The following FARP1 variants were observed in gnomAD, a reference collection of about 807,000 sequenced individuals.
FARP1 encodes the protein FERM, ARHGEF and pleckstrin domain-containing protein 1.
FARP1 carries 52 observed loss-of-function variants against 128.8 expected under a neutral mutation model. The observed-to-expected ratio is 0.40, with a 90% CI of 0.32 to 0.51. The LOEUF is 0.51. Among genes scored for constraint, FARP1 ranks in the 20% least tolerant of loss-of-function variants. FARP1 has a pLI of 0.45. For missense variants in FARP1, 1,333 were observed against 1,367.9 expected (o/e 0.97, Z 0.40); for synonymous variants, 580 against 551.8 (o/e 1.05, Z -0.72).
chr13:98,213,429 A>G lies in FARP1; in HGVS notation c.171+16A>G. On this transcript the variant is annotated intron_variant, in intron 2 of 26. Transcript: ENST00000319562. ...TGAAGTTCCAGTAAGTTGGGGGCTT[A>G]TCTGTAACCCAGGAGTGTGGTAGGG... 4 of 1,611,436 alleles carry G rather than the reference A, an allele frequency of 2.5e-6. No homozygotes were observed. The highest frequency in any genetic ancestry group is 3.4e-6 in the Non-Finnish European group (4 of 1,179,012).
At chr13:98,444,308 C>T (rs1566326707) in intron 24 of FARP1, among the ~76,000 whole-genome samples, 1 of 152,066 alleles carries the variant, frequency 6.6e-6, no homozygotes, top group South Asian at 2.1e-4. Context: ...ATTGTAGGCA[C>T]GGAGGGTTTG....
At chr13:98,394,600 A>G (rs1334491475) in intron 12 of FARP1, among the ~76,000 whole-genome samples, 2 of 152,124 alleles carry the variant, frequency 1.3e-5, no homozygotes, top group African/African-American at 4.8e-5. Flanking sequence ...CCAGGAGTTC[A>G]AAGCCAGCCT....
intron 17 of FARP1, among the ~76,000 whole-genome samples, chr13:98,430,294 A>G (rs1274905069): frequency 6.6e-6 from 1 of 152,198 alleles, no homozygotes; most frequent in African/African-American, 2.4e-5. Context: ...GCACATAGAG[A>G]GCAAGCCCAC....
intron 2 of FARP1, among the ~76,000 whole-genome samples, chr13:98,242,568 G>T (rs1446251790): frequency 6.6e-6 from 1 of 152,068 alleles, no homozygotes; most frequent in Non-Finnish European, 1.5e-5. Flanking sequence ...AGTCCCAGCT[G>T]CTTAGGAGGC....
At chr13:98,405,313 T>G (rs1223937408) in intron 13 of FARP1, 1 of 152,220 alleles carries the variant, frequency 6.6e-6, no homozygotes, top group East Asian at 1.9e-4. Context: ...CAGTTTCTGG[T>G]CTGGGTGATA....
intron 5 of FARP1, among the ~76,000 whole-genome samples, chr13:98,373,059 A>C (rs1889417057): frequency 1.3e-5 from 2 of 152,188 alleles, no homozygotes; most frequent in South Asian, 4.1e-4. Flanking sequence ...TCATGTTACA[A>C]GGGCCTTGGA....
chr13:98,204,572 C>G (rs995489427), intron 1 of FARP1, among the ~76,000 whole-genome samples: 1 of 109,380 alleles, frequency 9.1e-6, no homozygotes, highest in African/African-American at 2.6e-5. Context: ...TTCATTCTTT[C>G]ACCATTTACC....
chr13:98,162,244 A>G (rs1353221540), intron 1 of FARP1, among the ~76,000 whole-genome samples: 1 of 152,134 alleles, frequency 6.6e-6, no homozygotes, highest in African/African-American at 2.4e-5. Flanking sequence ...ACCTAAAGTG[A>G]GATGAATCAG....
intron 2 of FARP1, among the ~76,000 whole-genome samples, chr13:98,340,349 C>T (rs1378471881): frequency 6.6e-6 from 1 of 152,094 alleles, no homozygotes; most frequent in African/African-American, 2.4e-5. Flanking sequence ...TCCACAAGTT[C>T]TTATCCTTTG....
At chr13:98,437,253 T>C (rs1594536988) in intron 19 of FARP1, among the ~76,000 whole-genome samples, 2 of 152,332 alleles carry the variant, frequency 1.3e-5, no homozygotes, top group East Asian at 3.9e-4. Context: ...GGCAAGTTTC[T>C]TAATCATTTG....
intron 2 of FARP1, among the ~76,000 whole-genome samples, chr13:98,282,369 A>G (rs1311841196): frequency 6.6e-6 from 1 of 152,196 alleles, no homozygotes; most frequent in Admixed American, 6.5e-5. Flanking sequence ...TGTTCCTAGG[A>G]CATAGAAGGT....
At chr13:98,210,038 A>G (rs1454705934) in intron 1 of FARP1, among the ~76,000 whole-genome samples, 1 of 151,560 alleles carries the variant, frequency 6.6e-6, no homozygotes, top group Non-Finnish European at 1.5e-5. Flanking sequence ...TAAAAAATAA[A>G]AAAAACTTTG....
intron 17 of FARP1, among the ~76,000 whole-genome samples, chr13:98,430,067 C>A (rs1204688702): frequency 6.6e-6 from 1 of 152,096 alleles, no homozygotes; most frequent in Non-Finnish European, 1.5e-5. Context: ...CATAGTGAGA[C>A]CCTGTCTCTA....
chr13:98,170,466 C>T (rs188640476), intron 1 of FARP1, among the ~76,000 whole-genome samples: 4 of 152,218 alleles, frequency 2.6e-5, no homozygotes, highest in Non-Finnish European at 5.9e-5. Flanking sequence ...AAGCAATTCT[C>T]CTGCCTCGAC....
intron 2 of FARP1, among the ~76,000 whole-genome samples, chr13:98,275,069 G>C (rs1884572546): frequency 6.6e-6 from 1 of 152,160 alleles, no homozygotes; most frequent in African/African-American, 2.4e-5. Context: ...ATACAGGACT[G>C]CATTTATCTG....
At chr13:98,148,302 C>T (rs182122756) in intron 1 of FARP1, among the ~76,000 whole-genome samples, 4 of 152,248 alleles carry the variant, frequency 2.6e-5, no homozygotes, top group Admixed American at 6.5e-5. Flanking sequence ...CGCTGGAACC[C>T]GGGAGGCGGA....
intron 2 of FARP1, among the ~76,000 whole-genome samples, chr13:98,252,407 G>A (rs942886799): frequency 3.9e-5 from 6 of 152,064 alleles, no homozygotes; most frequent in African/African-American, 1.4e-4. Context: ...TCAATAGAAC[G>A]TTCATTACCT....
rs189273623 is a variant in FARP1, at chr13:98,175,163, T to G, written c.-24+31671T>G. Among the ~76,000 whole-genome samples the G allele has an allele frequency of 3.0e-4, 45 of 152,326 alleles. 1 individual carries two copies. The highest frequency in any genetic ancestry group is 9.9e-4 in the African/African-American group (41 of 41,582). Reference sequence around the variant, plus strand: ...AAGTATGTGAGACATGGTTTCAGTCTTCAAGGAATTCACAGCCAAAGTTGA... The same window carrying G: ...AAGTATGTGAGACATGGTTTCAGTCGTCAAGGAATTCACAGCCAAAGTTGA... On this transcript the variant is annotated intron_variant, in intron 1 of 26. Transcript: ENST00000319562.
intron 2 of FARP1, among the ~76,000 whole-genome samples, chr13:98,291,416 A>G (rs914637696): frequency 6.6e-6 from 1 of 152,138 alleles, no homozygotes; most frequent in Non-Finnish European, 1.5e-5. Flanking sequence ...CCACATGTAA[A>G]TGGATCCTCA....
Sources: gnomAD v4.1 joint callset for allele counts (sites outside exome capture counted in the v4.1 genomes callset) on GRCh38, gnomAD v4.1.1 for gene constraint, MANE v1.5 for transcripts, NCBI Gene and HGNC (gene_info 2026-07-23, HGNC 2026-07-21) for gene names.